Variants in LRRC4C observed in about 807,000 individuals in gnomAD.
LRRC4C encodes the protein leucine rich repeat containing 4C.
Under a neutral mutation model 33.6 loss-of-function variants are expected in LRRC4C, and 5 were observed. That is an observed-to-expected ratio of 0.15 (90% CI 0.08 to 0.31). The LOEUF is 0.31. Among genes scored for constraint, LRRC4C ranks in the 10% least tolerant of loss-of-function variants. LRRC4C has a pLI of 1.00. For synonymous variants in LRRC4C, 329 were observed against 302.0 expected (o/e 1.09, Z -0.93); for missense variants, 560 against 796.7 (o/e 0.70, Z 3.58).
chr11:40,766,168 G>A (rs1949445133), intron 2 of LRRC4C, among the ~76,000 whole-genome samples: 1 of 148,344 alleles, frequency 6.7e-6, no homozygotes, highest in African/African-American at 2.5e-5. Flanking sequence ...GAGAGAGAAA[G>A]TTTGAAATAT....
rs368762131 is a variant in LRRC4C at position 40,408,113 on chromosome 11, C to T, written c.-269-88392G>A. ...CAACATAGAAAGAAATGTTATCAAT[C>T]GGATATGAGATTCCTACTGAAGCTC... is the stretch of plus-strand genomic sequence containing the variant. On this transcript the variant is annotated intron_variant, in intron 3 of 6. Transcript: ENST00000528697. Among the ~76,000 whole-genome samples, 4 of 151,886 alleles carry T rather than the reference C, an allele frequency of 2.6e-5. No individual in the cohort carries two copies. The East Asian group carries it at 5.8e-4, about 22-fold the overall frequency.
intron 1 of LRRC4C, among the ~76,000 whole-genome samples, chr11:41,213,365 C>T (rs1471564743): frequency 6.6e-6 from 1 of 152,100 alleles, no homozygotes; most frequent in East Asian, 1.9e-4. Context: ...CACCTGGGGA[C>T]CTTTTCTCAG....
intron 1 of LRRC4C, among the ~76,000 whole-genome samples, chr11:41,009,940 G>C (rs1164175015): frequency 6.6e-6 from 1 of 152,096 alleles, no homozygotes; most frequent in African/African-American, 2.4e-5. Context: ...AATTCACTAA[G>C]TGGTGTCTAA....
intron 1 of LRRC4C, among the ~76,000 whole-genome samples, chr11:41,299,507 A>G (rs1950229448): frequency 6.6e-6 from 1 of 152,120 alleles, no homozygotes; most frequent in African/African-American, 2.4e-5. Context: ...CCAGTTATCA[A>G]TCTATATCCT....
At chr11:40,350,499 G>C (rs116061979) in intron 3 of LRRC4C, among the ~76,000 whole-genome samples, 1,671 of 152,120 alleles carry the variant, frequency 0.011, 25 homozygotes, top group African/African-American at 0.038. Flanking sequence ...CTATAGCTCT[G>C]TAGTATCATT....
chr11:40,266,712 C>G lies in LRRC4C; in HGVS notation c.-175-25114G>C, dbSNP rs576707465. Among the ~76,000 whole-genome samples the G allele has an allele frequency of 5.9e-5, 9 of 152,234 alleles. No homozygotes were observed. The East Asian group carries it at 1.5e-3, about 26-fold the overall frequency. On this transcript the variant is annotated intron_variant, in intron 4 of 6. Coordinates refer to ENST00000528697, the MANE Select transcript of LRRC4C (RefSeq NM_001258419.2). The stretch of plus-strand genomic sequence containing the variant: ...GGTATCTTAGGAAATCCTGACAACT[C>G]TCTAAGGCTGGTTTTATTAACTCCA...
At chr11:40,291,333 G>A (rs1944178515) in intron 4 of LRRC4C, among the ~76,000 whole-genome samples, 2 of 152,116 alleles carry the variant, frequency 1.3e-5, no homozygotes, top group South Asian at 4.1e-4. Context: ...CACATGAGAA[G>A]TATTAGTGCT....
chr11:41,193,067 T>A (rs978744786), intron 1 of LRRC4C, among the ~76,000 whole-genome samples: 1 of 152,114 alleles, frequency 6.6e-6, no homozygotes. Flanking sequence ...AGGCTTATGA[T>A]GAGGACTGCC....
chr11:41,389,976 T>C (rs1033974062), intron 1 of LRRC4C, among the ~76,000 whole-genome samples: 1 of 151,948 alleles, frequency 6.6e-6, no homozygotes, highest in Non-Finnish European at 1.5e-5. Flanking sequence ...AATGGTGCTA[T>C]GGTTACACAG....
chr11:40,231,087 C>A (rs1353988129), intron 5 of LRRC4C, among the ~76,000 whole-genome samples: 1 of 152,122 alleles, frequency 6.6e-6, no homozygotes, highest in Non-Finnish European at 1.5e-5. Flanking sequence ...AACTTCATGG[C>A]TGGGCGTAGT....
intron 5 of LRRC4C, among the ~76,000 whole-genome samples, chr11:40,210,115 T>C (rs1863473018): frequency 6.6e-6 from 1 of 151,870 alleles, no homozygotes. Context: ...TATTTGTGTA[T>C]AAAGATTCCA....
rs74841033 is a variant in LRRC4C, at chr11:41,051,067, C to T, written c.-495-117344G>A. Among the ~76,000 whole-genome samples, 121 of 152,238 alleles carry T rather than the reference C, an allele frequency of 7.9e-4. No homozygotes were observed. The East Asian group carries it at 0.02, about 25-fold the overall frequency. On this transcript the variant is annotated intron_variant, in intron 1 of 6. Transcript: ENST00000528697. Reference sequence around the variant, plus strand: ...CAGCTCAATGAGTCACAATCTGAGACTATTCATAACAAAAAAGATATCCAA... The same window carrying T: ...CAGCTCAATGAGTCACAATCTGAGATTATTCATAACAAAAAAGATATCCAA...
At chr11:40,620,965 C>T (rs1045018261) in intron 3 of LRRC4C, among the ~76,000 whole-genome samples, 3 of 151,676 alleles carry the variant, frequency 2.0e-5, no homozygotes, top group Non-Finnish European at 4.4e-5. Context: ...GCTCTACAGG[C>T]CTACAAGCTT....
chr11:41,026,233 T>C (rs1462046743), intron 1 of LRRC4C, among the ~76,000 whole-genome samples: 1 of 151,680 alleles, frequency 6.6e-6, no homozygotes, highest in Non-Finnish European at 1.5e-5. Flanking sequence ...TTGCAATTCA[T>C]GGGAGGAGGC....
chr11:41,238,312 G>A (rs989913954), intron 1 of LRRC4C, among the ~76,000 whole-genome samples: 28 of 152,038 alleles, frequency 1.8e-4, no homozygotes, highest in African/African-American at 6.5e-4. Context: ...TCACATCTGT[G>A]TCTGAGTGCT....
chr11:41,059,267 T>C (rs577018063), intron 1 of LRRC4C, among the ~76,000 whole-genome samples: 142 of 114,130 alleles, frequency 1.2e-3, no homozygotes, highest in African/African-American at 4.0e-3. Context: ...TAAGTTTTGA[T>C]GACAAATAAA....
chr11:40,994,703 A>G lies in LRRC4C; in HGVS notation c.-495-60980T>C, dbSNP rs967455649. Among the ~76,000 whole-genome samples, 8 of 152,248 alleles carry G rather than the reference A, an allele frequency of 5.3e-5. No individual in the cohort carries two copies. The East Asian group carries it at 1.5e-3, about 29-fold the overall frequency. ...ATTTTCTACCTAATAATTATAAGTA[A>G]TCTTTTAAAGCCAAAATATTAAGCC... On this transcript the variant is annotated intron_variant, in intron 1 of 6. Coordinates refer to ENST00000528697, the MANE Select transcript of LRRC4C (RefSeq NM_001258419.2).
At chr11:40,888,062 T>C (rs1955542492) in intron 2 of LRRC4C, among the ~76,000 whole-genome samples, 1 of 151,946 alleles carries the variant, frequency 6.6e-6, no homozygotes, top group Non-Finnish European at 1.5e-5. Flanking sequence ...TGAGTCTCCA[T>C]TTGATTTTTA....
intron 3 of LRRC4C, among the ~76,000 whole-genome samples, chr11:40,578,145 T>G (rs1958294312): frequency 1.2e-5 from 1 of 81,594 alleles, no homozygotes; most frequent in Non-Finnish European, 2.8e-5. Context: ...TTTTCGGTTT[T>G]TTTTTTTTTT....
Sources: gnomAD v4.1 joint callset for allele counts (sites outside exome capture counted in the v4.1 genomes callset) on GRCh38, gnomAD v4.1.1 for gene constraint, MANE v1.5 for transcripts, NCBI Gene and HGNC (gene_info 2026-07-23, HGNC 2026-07-21) for gene names.